Variants in PPFIA3 observed in about 807,000 individuals in gnomAD.
The protein encoded by PPFIA3 is liprin-alpha-3.
Under a neutral mutation model 145.8 loss-of-function variants are expected in PPFIA3, and 26 were observed. That is an observed-to-expected ratio of 0.18 (90% confidence interval 0.13 to 0.25). The LOEUF (loss-of-function observed/expected upper bound fraction) is 0.25. Ranked by LOEUF, PPFIA3 falls within the 10% of genes least tolerant of loss-of-function variation. PPFIA3 has a pLI of 1.00. For synonymous variants in PPFIA3, 645 were observed against 661.4 expected, an observed-to-expected ratio of 0.98 and a Z score of 0.38; for missense variants, 1,008 against 1,587.8, an observed-to-expected ratio of 0.63 and a Z score of 6.21.
intron 18 of PPFIA3, 36 bp from the exon 19 acceptor site, chr19:49,141,384 G>C: frequency 6.5e-7 from 1 of 1,539,392 alleles, no homozygotes; most frequent in Non-Finnish European, 9.0e-7. Flanking sequence ...CCTCCCCCTT[G>C]AGATTTTCCA....
chr19:49,146,134 C>T (rs1355652477), intron 22 of PPFIA3, 32 bp from the exon 23 acceptor site: 1 of 1,614,040 alleles, frequency 6.2e-7, no homozygotes, highest in Non-Finnish European at 8.5e-7. Context: ...TTAACTCACC[C>T]CTTCTCTCCC....
At position 49,137,660 on chromosome 19, in the gene PPFIA3, T is replaced by G. The variant is rs190638397; in HGVS notation, c.1854-545T>G. 5.0e-3 allele frequency among the ~76,000 whole-genome samples: 289 copies of G among 57,378 alleles called. 2 individuals are homozygous for G. The highest frequency in any genetic ancestry group is 8.5e-3 in the Non-Finnish European group (210 of 24,758). 37.6% of individuals were successfully genotyped at this position (57,378 alleles called of 152,430 possible). On this transcript the variant is annotated intron_variant, in intron 15 of 29. Transcript: ENST00000334186. ...AAAAAAAAAAAAAAAAAAAAAAAAG[T>G]CCCCAACTTATTAAGAAGCCCCCAG...
chr19:49,134,202 C>T, intron 11 of PPFIA3, 37 bp downstream of exon 11: 7 of 1,561,162 alleles, frequency 4.5e-6, no homozygotes, highest in Non-Finnish European at 6.1e-6. Context: ...ACGCGGAATT[C>T]CGGGACTACC....
In PPFIA3 at chr19:49,138,945, T is replaced by C. The variant is rs544224410; in HGVS notation, c.2076+518T>C. Among the ~76,000 whole-genome samples the C allele has an allele frequency of 1.2e-3, 178 of 150,484 alleles. 1 individual carries two copies. Among genetic ancestry groups the C allele is most frequent in the African/African-American group, 4.2e-3 (172 of 40,946 alleles). On this transcript the variant is annotated intron_variant, in intron 16 of 29. Coordinates refer to ENST00000334186, the MANE Select transcript of PPFIA3 (RefSeq NM_003660.4). ...GAAATTGTGCCACTGCACTCCAACCTGGGAGACAGAGTGAAACTGTGTCTC... is the reference window on the plus strand; with the variant it reads ...GAAATTGTGCCACTGCACTCCAACCCGGGAGACAGAGTGAAACTGTGTCTC...
Position 49,135,832 on chromosome 19 carries a change from C to T in PPFIA3, c.1574C>T (p.Pro525Leu). 2 of 1,614,016 alleles carry T rather than the reference C, an allele frequency of 1.2e-6. No individual in the cohort carries two copies. The highest frequency in any genetic ancestry group is 1.7e-6 in the Non-Finnish European group (2 of 1,179,962). The change falls in exon 14 of 30, where the codon CCT becomes CTT. Residue 525 changes from proline (P) to leucine (L), a missense_variant. By Grantham distance (98) the Pro-to-Leu change is moderately conservative. Coordinates refer to ENST00000334186, the MANE Select transcript of PPFIA3 (RefSeq NM_003660.4). ...CGTTACTCTCAGGCACCCACTTTAC[C>T]TTCTGGTGCCCACCTGGATCCCTAT... ...ELRYSQAPTL[P>L]SGAHLDPYVA... is the part of the protein sequence containing the mutation.
Position 49,128,618 on chromosome 19 carries a change from C to G in PPFIA3, c.342+150C>G. The G allele has an allele frequency of 2.5e-6, 2 of 804,408 alleles. No individual in the cohort carries two copies. The highest frequency in any genetic ancestry group is 4.0e-6 in the Non-Finnish European group (2 of 503,886). The allele number at this position is 804,408 out of a possible 1,614,324, so 49.8% of individuals were successfully genotyped here. A position where few individuals can be genotyped will look rare whatever the true frequency, so the allele number is the denominator to read the frequency against. ...CCTCTTCCCTGCTCCCACTTCCTGG[C>G]TGGTCTCCCACTCTGGTGCCACTCC... is the stretch of plus-strand genomic sequence containing the variant. On this transcript the variant is annotated intron_variant, in intron 3 of 29. Coordinates refer to ENST00000334186, the MANE Select transcript of PPFIA3 (RefSeq NM_003660.4). The surrounding 1 kb of genome is among the most constrained non-coding windows in gnomAD (Gnocchi z 4.1).
chr19:49,122,111 A>C (rs1600319800), intron 1 of PPFIA3, among the ~76,000 whole-genome samples: 3 of 120,082 alleles, frequency 2.5e-5, no homozygotes, highest in Non-Finnish European at 5.1e-5. Context: ...ACGGAGTTTC[A>C]CTCTTGTTGC....
intron 5 of PPFIA3, 39 bp from the exon 6 acceptor site, chr19:49,129,954 G>A: frequency 6.2e-7 from 1 of 1,601,442 alleles, no homozygotes; most frequent in Non-Finnish European, 8.5e-7. Flanking sequence ...TGGGGGTTCA[G>A]GGAGCCCCTG....
chr19:49,150,140 G>C lies in PPFIA3; in HGVS notation c.*2G>C. ...TCGGTCCGGACCTATTCCTGCTAGT[G>C]CAGGCCTCCAGGTGAGGACCGTGCT... On this transcript the variant is annotated 3_prime_UTR_variant, in exon 29 of 30. Transcript: ENST00000334186. 1 of 1,609,066 alleles carries C rather than the reference G, an allele frequency of 6.2e-7. No individual in the cohort carries two copies. Among genetic ancestry groups the C allele is most frequent in the Non-Finnish European group, 8.5e-7 (1 of 1,178,218 alleles).
At position 49,120,702 on chromosome 19, in the gene PPFIA3, G is replaced by C. The variant is rs1026303290; in HGVS notation, c.-16+980G>C. On this transcript the variant is annotated intron_variant, in intron 1 of 29. Transcript: ENST00000334186. The surrounding 1 kb of genome is among the most constrained non-coding windows in gnomAD (Gnocchi z 4.6). Reference sequence around the variant, plus strand: ...CTTTCCTTTGGGGGACCCGGAATGTGATTCTCAATGCAGTTCTCTGACTTC... The same window carrying C: ...CTTTCCTTTGGGGGACCCGGAATGTCATTCTCAATGCAGTTCTCTGACTTC... Among the ~76,000 whole-genome samples, 1 of 152,148 alleles carries C rather than the reference G, an allele frequency of 6.6e-6. No homozygotes were observed. The highest frequency in any genetic ancestry group is 2.1e-4 in the South Asian group (1 of 4,830).
intron 16 of PPFIA3, 28 bp from the exon 17 acceptor site, chr19:49,139,640 A>G (rs1329910480): frequency 7.1e-6 from 11 of 1,543,378 alleles, no homozygotes; most frequent in East Asian, 2.3e-5. Context: ...TTTGAACTCA[A>G]TCCAGCATCT....
chr19:49,141,575 T>G, intron 19 of PPFIA3, 62 bp downstream of exon 19: 3 of 1,286,658 alleles, frequency 2.3e-6, no homozygotes, highest in African/African-American at 2.1e-5. Context: ...TGTGAGGGTG[T>G]GTGTGTGCGT....
intron 18 of PPFIA3, 94 bp downstream of exon 18, chr19:49,140,182 CAT>C (rs1346813955): frequency 7.2e-7 from 1 of 1,383,272 alleles, no homozygotes; most frequent in Admixed American, 2.1e-5. Flanking sequence ...GACATCCATT[CAT>C]GTCTTCATTC....
chr19:49,133,947 G>T lies in PPFIA3; in HGVS notation c.1245+68G>T. On this transcript the variant is annotated intron_variant, in intron 10 of 29. Coordinates refer to ENST00000334186, the MANE Select transcript of PPFIA3 (RefSeq NM_003660.4). This position sits in a 1 kb window ranked among gnomAD's most constrained non-coding sequence, Gnocchi z 7.2. ...TGGGGCGGAGCTTAATAAGGAGGCTGGGCTGGGCCCGGGGGTGGGGCTTAG... is the reference window on the plus strand; with the variant it reads ...TGGGGCGGAGCTTAATAAGGAGGCTTGGCTGGGCCCGGGGGTGGGGCTTAG... The T allele has an allele frequency of 1.2e-6, 2 of 1,607,850 alleles. No individual in the cohort carries two copies. The highest frequency in any genetic ancestry group is 1.7e-6 in the Non-Finnish European group (2 of 1,176,836).
chr19:49,121,790 A>G (rs1016739864), intron 1 of PPFIA3, among the ~76,000 whole-genome samples: 1 of 151,792 alleles, frequency 6.6e-6, no homozygotes, highest in Admixed American at 6.6e-5. Context: ...AAAAAATTTT[A>G]TTTATTTATT....
chr19:49,127,589 A>G (rs2041017366), intron 1 of PPFIA3, among the ~76,000 whole-genome samples: 1 of 150,526 alleles, frequency 6.6e-6, no homozygotes. Flanking sequence ...ACAGAGTGAG[A>G]CCCTGTTAAA....
In PPFIA3 at chr19:49,134,083, A is replaced by C; in HGVS notation, c.1295A>C (p.Glu432Ala). 2 of 1,614,008 alleles carry C rather than the reference A, an allele frequency of 1.2e-6. No homozygotes were observed. Among genetic ancestry groups the C allele is most frequent in the Non-Finnish European group, 1.7e-6 (2 of 1,179,938 alleles). Reference protein sequence around the residue: ...MNDDHNKRLSETVDKLLSESN... With the variant: ...MNDDHNKRLSATVDKLLSESN... ...GATGACCACAATAAGCGGCTGTCCG[A>C]GACGGTGGACAAGCTGCTGAGCGAG... Residue 432 changes from glutamate (E) to alanine (A), a missense_variant, in exon 11 of 30, where the codon GAG becomes GCG. Physicochemically the swap from Glu to Ala is moderately radical, Grantham distance 107. Around this residue, in one of 11 missense-constraint regions of PPFIA3, gnomAD observed 109 missense variants for 198.1 expected, o/e 0.55. Transcript: ENST00000334186.
rs1432191011 is a variant in PPFIA3, at chr19:49,149,374, G to C, written c.3354+49G>C. 5 of 1,607,920 alleles carry C rather than the reference G, an allele frequency of 3.1e-6. No individual in the cohort carries two copies. Among genetic ancestry groups the C allele is most frequent in the Non-Finnish European group, 4.3e-6 (5 of 1,174,918 alleles). On this transcript the variant is annotated intron_variant, in intron 27 of 29. Transcript: ENST00000334186. This position sits in a 1 kb window ranked among gnomAD's most constrained non-coding sequence, Gnocchi z 5.7. ...GGCTCTGCTCCCAGCGGCTCCTCGAGAGGCTGAGCTGAGGGGGCGGGGCCT... is the reference window on the plus strand; with the variant it reads ...GGCTCTGCTCCCAGCGGCTCCTCGACAGGCTGAGCTGAGGGGGCGGGGCCT...
Position 49,130,643 on chromosome 19 carries a change from T to G in PPFIA3, c.879+44T>G. 1 of 1,492,572 alleles carries G rather than the reference T, an allele frequency of 6.7e-7. No homozygotes were observed. Among genetic ancestry groups the G allele is most frequent in the Non-Finnish European group, 9.1e-7 (1 of 1,102,666 alleles). 92.5% of individuals were successfully genotyped at this position (1,492,572 alleles called of 1,614,324 possible). A position where few individuals can be genotyped will look rare whatever the true frequency, so the allele number is the denominator to read the frequency against. On this transcript the variant is annotated intron_variant, in intron 7 of 29. Transcript: ENST00000334186. This position sits in a 1 kb window ranked among gnomAD's most constrained non-coding sequence, Gnocchi z 4.5. The stretch of plus-strand genomic sequence containing the variant: ...CGGGCTGCCCTGGGTCCCTCGCCTT[T>G]CCGTAGAGCTCTCCCTCGCGCATTG...
Sources: gnomAD v4.1 joint callset for allele counts (sites outside exome capture counted in the v4.1 genomes callset) on GRCh38, gnomAD v4.1.1 for gene constraint, gnomAD v4.1.1 regional missense constraint, Gnocchi (gnomAD v3.1) non-coding constraint, MANE v1.5 for transcripts, NCBI Gene and HGNC (gene_info 2026-07-23, HGNC 2026-07-21) for gene names.